PRSS58: variants seen among roughly 807,000 people sequenced by gnomAD.
PRSS58 encodes protease, serine 58.
In PRSS58, 31 loss-of-function variants were observed where a neutral mutation model predicts 25.0. The ratio of observed to expected loss-of-function variants is 1.24; its 90% confidence interval spans 0.93 to 1.67. PRSS58 has a LOEUF of 1.67. Among genes scored for constraint, PRSS58 ranks in the 40% most tolerant of loss-of-function variants. The pLI, the probability that PRSS58 is intolerant of heterozygous loss-of-function variation, is 0.00. For missense variants in PRSS58, 324 were observed against 287.9 expected, an observed-to-expected ratio of 1.13 and a Z score of -0.91; for synonymous variants, 119 against 106.1, an observed-to-expected ratio of 1.12 and a Z score of -0.75.
At chr7:142,254,936 A>G (rs62476761) in intron 4 of PRSS58, 119 bp downstream of exon 4, 295,832 of 1,003,910 alleles carry the variant, frequency 0.29, 50,057 homozygotes, top group Non-Finnish European at 0.35. Flanking sequence ...GTACAGAGAA[A>G]AGGAAAGGGG....
rs114759105 is a variant in PRSS58, at chr7:142,254,139, A to G, written c.436+916T>C. On this transcript the variant is annotated intron_variant, in intron 4 of 5. Transcript: ENST00000547058. ...ATCTAGTGTATGATGTATATTATAT[A>G]TACTCAAACTTACTCATGAGTAAAG... Among the ~76,000 whole-genome samples the G allele has an allele frequency of 9.7e-3, 1,476 of 152,296 alleles. 29 individuals carry two copies. The highest frequency in any genetic ancestry group is 0.034 in the African/African-American group (1,419 of 41,560).
rs1798585190 is a variant in PRSS58, at chr7:142,257,932, C to T, written c.-42+59G>A. ...AGAGTCAAGTGATTGGTCCCCAATA[C>T]AGTTGAAAATGGTTCTGGAACTCAG... is the stretch of plus-strand genomic sequence containing the variant. On this transcript the variant is annotated intron_variant, in intron 1 of 5. Coordinates refer to ENST00000547058, the MANE Select transcript of PRSS58 (RefSeq NM_001001317.5). 9.4e-6 allele frequency: 5 copies of T among 532,886 alleles called. No homozygotes were observed. The South Asian group carries it at 1.5e-4, about 16-fold the overall frequency. 33.0% of individuals were successfully genotyped at this position (532,886 alleles called of 1,614,324 possible).
chr7:142,252,722 C>T (rs1798489655), intron 4 of PRSS58, 111 bp from the exon 5 acceptor site: 2 of 1,167,070 alleles, frequency 1.7e-6, no homozygotes, highest in Admixed American at 2.5e-5. Flanking sequence ...ATCAAACATT[C>T]AGAGAAGTCA....
chr7:142,253,785 T>A (rs1464192063), intron 4 of PRSS58, among the ~76,000 whole-genome samples: 3 of 103,260 alleles, frequency 2.9e-5, no homozygotes, highest in African/African-American at 1.1e-4. Flanking sequence ...ATAAGATGCA[T>A]TTTTTTTGAA....
At chr7:142,254,978 C>T (rs538222994) in intron 4 of PRSS58, 77 bp downstream of exon 4, 35 of 1,412,704 alleles carry the variant, frequency 2.5e-5, no homozygotes, top group African/African-American at 2.1e-4. Flanking sequence ...TTCACTAGGC[C>T]GAATTGAAGA....
rs1490856103 is a variant in PRSS58 at position 142,255,248 on chromosome 7, C to T, written c.243G>A (p.Val81=). The T allele has an allele frequency of 6.2e-7, 1 of 1,613,908 alleles. No homozygotes were observed. Among genetic ancestry groups the T allele is most frequent in the African/African-American group, 1.3e-5 (1 of 75,016 alleles). ...GATGAATCATCTTCTCATAGCCAAT[C>T]ACTTGCAGATGCTTTTCATTAGAGT... ...PADSNEKHLQ[V]IGYEKMIHHP... is the part of the protein sequence containing the mutation. Residue 81 remains valine, a synonymous_variant, in exon 4 of 6, where the codon GTG becomes GTA. Coordinates refer to ENST00000547058, the MANE Select transcript of PRSS58 (RefSeq NM_001001317.5).
chr7:142,252,875 A>G (rs1798492981), intron 4 of PRSS58, among the ~76,000 whole-genome samples: 1 of 152,160 alleles, frequency 6.6e-6, no homozygotes, highest in Non-Finnish European at 1.5e-5. Context: ...ATGAAATGAA[A>G]CACTTTGTCT....
At position 142,255,140 on chromosome 7, in the gene PRSS58, C is replaced by T. The variant is rs1189189318; in HGVS notation, c.351G>A (p.Val117=). The stretch of plus-strand genomic sequence containing the variant: ...TTTGGTAGGGCAGGTTGGCTAATTT[C>T]ACATAGTCATTGAGTTCAGCCTCTG... The part of the protein sequence containing the change: ...LKTEAELNDY[V]KLANLPYQTI... The change falls in exon 4 of 6, where the codon GTG becomes GTA. Residue 117 remains valine, a synonymous_variant. Transcript: ENST00000547058. The T allele has an allele frequency of 6.2e-7, 1 of 1,614,072 alleles. No homozygotes were observed. Among genetic ancestry groups the T allele is most frequent in the Non-Finnish European group, 8.5e-7 (1 of 1,179,960 alleles).
In PRSS58 at chr7:142,255,199, T is replaced by C. The variant is rs1403193998; in HGVS notation, c.292A>G (p.Ile98Val). The change falls in exon 4 of 6, where the codon ATT becomes GTT. Residue 98 changes from isoleucine to valine, a missense_variant. By Grantham distance (29) the Ile-to-Val change is conservative. Transcript: ENST00000547058. Reference sequence around the variant, plus strand: ...TTGATTAGCATGATGTCATGATCAATAGAAGTGACTGAGAAGTGTGGATGA... The same window carrying C: ...TTGATTAGCATGATGTCATGATCAACAGAAGTGACTGAGAAGTGTGGATGA... ...IHHPHFSVTSIDHDIMLIKLK... is the reference protein window; with the variant it reads ...IHHPHFSVTSVDHDIMLIKLK... The C allele has an allele frequency of 5.6e-6, 9 of 1,614,058 alleles. No individual in the cohort carries two copies. The highest frequency in any genetic ancestry group is 7.6e-6 in the Non-Finnish European group (9 of 1,180,020).
At position 142,255,590 on chromosome 7, in the gene PRSS58, C is replaced by T. The variant is rs116437839; in HGVS notation, c.124G>A (p.Ala42Thr). 1.7e-3 allele frequency: 2,799 copies of T among 1,613,986 alleles called. 42 individuals are homozygous for T. In the African/African-American group the frequency reaches 0.031, roughly 18 times the overall value. The change falls in exon 3 of 6, where the codon GCT (alanine) becomes ACT (threonine). Residue 42 changes from alanine to threonine, a missense_variant. Physicochemically the swap from Ala to Thr is moderately conservative, Grantham distance 58 (BLOSUM62 0). Transcript: ENST00000547058. ...CAAAGCGGGTGGATCAGGACTCCAG[C>T]GCAGGGCAAGTAGTCAGATTTCAAA... ...VYLKSDYLPC[A>T]GVLIHPLWVI... is the part of the protein sequence containing the mutation.
chr7:142,252,451 A>C, intron 5 of PRSS58, 21 bp downstream of exon 5: 1 of 1,611,790 alleles, frequency 6.2e-7, no homozygotes, highest in South Asian at 1.1e-5. Context: ...TGGGAAAATT[A>C]ATGGATGAAG....
intron 4 of PRSS58, among the ~76,000 whole-genome samples, chr7:142,254,717 T>C (rs1798523746): frequency 6.6e-6 from 1 of 152,160 alleles, no homozygotes; most frequent in East Asian, 1.9e-4. Context: ...TTTGAAAATA[T>C]ACAACAGAGT....
At chr7:142,255,430 T>A (rs4470937) in intron 3 of PRSS58, 105 bp downstream of exon 3, 3 of 1,589,208 alleles carry the variant, frequency 1.9e-6, no homozygotes, top group African/African-American at 2.7e-5. Context: ...TCCCAAAGGC[T>A]TTTCTAATCC....
At position 142,252,187 on chromosome 7, in the gene PRSS58, C is replaced by G. The variant is rs1223357450; in HGVS notation, c.*34G>C. On this transcript the variant is annotated 3_prime_UTR_variant, in exon 6 of 6. Transcript: ENST00000547058. ...TAATTCTAAAGGTGAACGATGGGGA[C>G]AAGCTGTGTCATATGGTCCACAACT... is the stretch of plus-strand genomic sequence containing the variant. 6.3e-7 allele frequency: 1 copy of G among 1,580,970 alleles called. No individual in the cohort carries two copies. The highest frequency in any genetic ancestry group is 2.2e-5 in the East Asian group (1 of 44,580).
chr7:142,254,879 G>A (rs548755673), intron 4 of PRSS58, among the ~76,000 whole-genome samples, 176 bp downstream of exon 4: 64 of 146,190 alleles, frequency 4.4e-4, no homozygotes, highest in Admixed American at 3.1e-3. Context: ...AAGATACAGC[G>A]GGTGAATAAA....
chr7:142,253,289 A>G (rs1798499436), intron 4 of PRSS58, among the ~76,000 whole-genome samples: 1 of 152,182 alleles, frequency 6.6e-6, no homozygotes, highest in Non-Finnish European at 1.5e-5. Context: ...TACTTTCTCA[A>G]TTGTCAGGTC....
intron 4 of PRSS58, 152 bp downstream of exon 4, chr7:142,254,903 C>T (rs1414081809): frequency 1.3e-5 from 9 of 713,932 alleles, no homozygotes; most frequent in African/African-American, 5.4e-5. Flanking sequence ...AACCCAAAAA[C>T]CTTGAAGCAC....
At chr7:142,254,317 G>A (rs1389827357) in intron 4 of PRSS58, among the ~76,000 whole-genome samples, 4 of 152,154 alleles carry the variant, frequency 2.6e-5, no homozygotes, top group Non-Finnish European at 4.4e-5. Flanking sequence ...ATGGAGTAAT[G>A]GGCAGATGGA....
intron 4 of PRSS58, 34 bp downstream of exon 4, chr7:142,255,021 T>A: frequency 6.2e-7 from 1 of 1,608,490 alleles, no homozygotes; most frequent in Non-Finnish European, 8.5e-7. Context: ...GAAGCATGTC[T>A]AATTCTGAGA....
Sources: gnomAD v4.1 joint callset for allele counts (sites outside exome capture counted in the v4.1 genomes callset) on GRCh38, gnomAD v4.1.1 for gene constraint, MANE v1.5 for transcripts, NCBI Gene and HGNC (gene_info 2026-07-23, HGNC 2026-07-21) for gene names.